KCNMA1: variants seen among roughly 807,000 people sequenced by gnomAD.
The protein encoded by KCNMA1 is Calcium-activated potassium channel subunit alpha-1.
A neutral mutation model predicts 140.0 loss-of-function variants in KCNMA1; 29 were observed. That is an observed-to-expected ratio of 0.21 (90% CI 0.15 to 0.28). KCNMA1 has a LOEUF of 0.28. Among genes scored for constraint, KCNMA1 ranks in the 10% least tolerant of loss-of-function variants. The pLI is 1.00. For missense variants in KCNMA1, 880 were observed against 1,602.2 expected (o/e 0.55, Z 7.70); for synonymous variants, 612 against 611.9 (o/e 1.00, Z 0.00).
intron 1 of KCNMA1, among the ~76,000 whole-genome samples, chr10:77,516,109 T>C (rs143413098): frequency 6.6e-6 from 1 of 152,130 alleles, no homozygotes; most frequent in African/African-American, 2.4e-5. Context: ...ATTTGACATA[T>C]CCAGGGGCTT....
intron 1 of KCNMA1, among the ~76,000 whole-genome samples, chr10:77,588,896 C>T (rs1045317199): frequency 6.6e-6 from 1 of 152,214 alleles, no homozygotes; most frequent in Non-Finnish European, 1.5e-5. Context: ...AACGGAGTGC[C>T]GTTCCTGCCC....
At chr10:77,440,753 G>C (rs149253886) in intron 1 of KCNMA1, among the ~76,000 whole-genome samples, 7 of 152,166 alleles carry the variant, frequency 4.6e-5, no homozygotes, top group Admixed American at 3.9e-4. Context: ...TTTGCAGAGT[G>C]AGCAGGACTT....
At chr10:77,512,825 G>T (rs2048870402) in intron 1 of KCNMA1, among the ~76,000 whole-genome samples, 1 of 152,160 alleles carries the variant, frequency 6.6e-6, no homozygotes, top group Non-Finnish European at 1.5e-5. Context: ...TGGACTTCCA[G>T]ATAGTAAGGA....
At chr10:77,039,480 A>C in intron 15 of KCNMA1, 48 bp downstream of exon 15, 1 of 1,127,574 alleles carries the variant, frequency 8.9e-7, no homozygotes, top group Non-Finnish European at 1.4e-6. Flanking sequence ...CAAGGGGCAC[A>C]TTCAATATCC....
At chr10:77,392,335 A>G (rs1181618299) in intron 2 of KCNMA1, among the ~76,000 whole-genome samples, 1 of 151,820 alleles carries the variant, frequency 6.6e-6, no homozygotes, top group African/African-American at 2.4e-5. Flanking sequence ...CAGGGAGGGA[A>G]ACCAACTACT....
intron 2 of KCNMA1, among the ~76,000 whole-genome samples, chr10:77,345,155 T>C (rs1293423027): frequency 6.6e-6 from 1 of 152,182 alleles, no homozygotes; most frequent in Admixed American, 6.5e-5. Context: ...ATTGAATGAA[T>C]AATAAATAAA....
intron 9 of KCNMA1, among the ~76,000 whole-genome samples, chr10:77,103,393 G>A (rs532425258): frequency 1.4e-4 from 22 of 152,166 alleles, no homozygotes; most frequent in Non-Finnish European, 1.9e-4. Context: ...AACTGGTCAC[G>A]TGGGGCTCTA....
At chr10:77,028,001 T>G in intron 15 of KCNMA1, 110 bp from the exon 16 acceptor site, 1 of 961,928 alleles carries the variant, frequency 1.0e-6, no homozygotes, top group Non-Finnish European at 1.7e-6. Flanking sequence ...ACCGAGGGGA[T>G]CCTCATTCCA....
chr10:76,965,156 C>A (rs1194246789), intron 20 of KCNMA1, among the ~76,000 whole-genome samples: 1 of 152,176 alleles, frequency 6.6e-6, no homozygotes, highest in Non-Finnish European at 1.5e-5. Context: ...GCTATCCTTA[C>A]AAGGCACCAC....
chr10:77,030,051 C>T (rs1019469003), intron 15 of KCNMA1, among the ~76,000 whole-genome samples: 1 of 152,218 alleles, frequency 6.6e-6, no homozygotes, highest in African/African-American at 2.4e-5. Flanking sequence ...AGGCCTCATG[C>T]TCTCCAGGGA....
intron 1 of KCNMA1, among the ~76,000 whole-genome samples, chr10:77,576,499 T>A (rs1251775186): frequency 6.6e-6 from 1 of 151,400 alleles, no homozygotes; most frequent in Admixed American, 6.6e-5. Flanking sequence ...TCCCAGCACT[T>A]GATGGGGCAG....
intron 1 of KCNMA1, among the ~76,000 whole-genome samples, chr10:77,560,374 G>A (rs985872958): frequency 6.6e-6 from 1 of 152,224 alleles, no homozygotes; most frequent in South Asian, 2.1e-4. Context: ...GTATTGGGTT[G>A]AGAAAGAAAA....
chr10:77,073,341 C>A, intron 13 of KCNMA1, 89 bp from the exon 14 acceptor site: 5 of 1,295,872 alleles, frequency 3.9e-6, no homozygotes, highest in Non-Finnish European at 5.5e-6. Context: ...ATTGCCCAAC[C>A]ACTCAGGGCC....
intron 1 of KCNMA1, among the ~76,000 whole-genome samples, chr10:77,455,558 C>A (rs936959419): frequency 1.3e-5 from 2 of 152,210 alleles, no homozygotes; most frequent in African/African-American, 4.8e-5. Flanking sequence ...TCACCTGAAT[C>A]TGCACCTGTC....
At chr10:76,966,522 G>T (rs928890857) in intron 20 of KCNMA1, among the ~76,000 whole-genome samples, 49 of 152,186 alleles carry the variant, frequency 3.2e-4, no homozygotes, top group African/African-American at 1.1e-3. Context: ...GGTTGGTAAG[G>T]CCCCCAAATT....
chr10:77,191,668 T>A (rs1014726613), intron 3 of KCNMA1, among the ~76,000 whole-genome samples: 3 of 152,170 alleles, frequency 2.0e-5, no homozygotes, highest in African/African-American at 7.2e-5. Context: ...ATGGGTCAGT[T>A]TGTGGTCAAT....
rs145017255 is a variant in KCNMA1 at position 77,595,631 on chromosome 10, G to A, written c.378+41634C>T. On this transcript the variant is annotated intron_variant, in intron 1 of 27. Transcript: ENST00000286628. ...TACACTCCTGACAATAAAGAAGCGC[G>A]GATCAACCTCTAACTAGCCAGACAG... Among the ~76,000 whole-genome samples the A allele has an allele frequency of 3.9e-5, 6 of 152,052 alleles. No homozygotes were observed. In the East Asian group the frequency reaches 1.2e-3, roughly 30 times the overall value.
Position 76,887,261 on chromosome 10 carries a change from A to G in KCNMA1, c.*5T>C. 6.2e-7 allele frequency: 1 copy of G among 1,613,940 alleles called. No individual in the cohort carries two copies. Among genetic ancestry groups the G allele is most frequent in the Non-Finnish European group, 8.5e-7 (1 of 1,179,972 alleles). On this transcript the variant is annotated 3_prime_UTR_variant, in exon 28 of 28. Coordinates refer to ENST00000286628, the MANE Select transcript of KCNMA1 (RefSeq NM_001161352.2). ...AGTTTCACACAGTGGCGGTGGATAC[A>G]CATATCAAAGCCGCTCTTCCTGCAC...
intron 2 of KCNMA1, among the ~76,000 whole-genome samples, chr10:77,387,571 C>CTTTTCT (rs2095653270): frequency 6.8e-6 from 1 of 148,142 alleles, no homozygotes; most frequent in South Asian, 2.2e-4. Context: ...CTTTTCTTTT[C>CTTTTCT]TTTTTTTTCT....
Sources: gnomAD v4.1 joint callset for allele counts (sites outside exome capture counted in the v4.1 genomes callset) on GRCh38, gnomAD v4.1.1 for gene constraint, MANE v1.5 for transcripts, NCBI Gene and HGNC (gene_info 2026-07-23, HGNC 2026-07-21) for gene names.